Variants in BACH2 observed in about 807,000 individuals in gnomAD.
The protein encoded by BACH2 is transcription regulator protein BACH2.
In BACH2, 5 loss-of-function variants were observed where a neutral mutation model predicts 61.8. The observed-to-expected ratio is 0.08, with a 90% CI of 0.04 to 0.17. The LOEUF is 0.17. Among genes scored for constraint, BACH2 ranks in the 10% least tolerant of loss-of-function variants. The pLI is 1.00. For synonymous variants in BACH2, 446 were observed against 440.1 expected (o/e 1.01, Z -0.17); for missense variants, 824 against 1,091.1 (o/e 0.76, Z 3.45).
intron 1 of BACH2, among the ~76,000 whole-genome samples, chr6:90,295,476 T>G (rs1281273165): frequency 6.6e-6 from 1 of 151,754 alleles, no homozygotes; most frequent in Admixed American, 6.5e-5. Flanking sequence ...GCACCTAGGG[T>G]AGCCCGTGAG....
intron 4 of BACH2, among the ~76,000 whole-genome samples, chr6:90,113,637 A>G (rs1783274028): frequency 6.6e-6 from 1 of 152,078 alleles, no homozygotes; most frequent in Non-Finnish European, 1.5e-5. Flanking sequence ...AAAAAGTTAG[A>G]AAGAACAACC....
At chr6:90,067,389 G>T (rs527237777) in intron 5 of BACH2, among the ~76,000 whole-genome samples, 1 of 152,154 alleles carries the variant, frequency 6.6e-6, no homozygotes, top group African/African-American at 2.4e-5. Flanking sequence ...GGGATGTTAC[G>T]CAGTAAGTAG....
intron 3 of BACH2, among the ~76,000 whole-genome samples, chr6:90,233,616 A>G (rs1757475181): frequency 6.6e-6 from 1 of 152,228 alleles, no homozygotes; most frequent in Non-Finnish European, 1.5e-5. Context: ...TGTGAGGATT[A>G]CATTAATGCT....
chr6:90,112,258 C>A (rs1243655497), intron 4 of BACH2, among the ~76,000 whole-genome samples: 1 of 151,978 alleles, frequency 6.6e-6, no homozygotes, highest in African/African-American at 2.4e-5. Flanking sequence ...GTGGCTCCTG[C>A]AAGATTGTAC....
At chr6:89,942,842 C>T (rs928773087) in intron 7 of BACH2, among the ~76,000 whole-genome samples, 8 of 152,174 alleles carry the variant, frequency 5.3e-5, no homozygotes, top group African/African-American at 1.9e-4. Flanking sequence ...TTATTCAGCC[C>T]AGCAAAGTGT....
chr6:90,128,978 C>T (rs1201771088), intron 4 of BACH2, among the ~76,000 whole-genome samples: 1 of 152,010 alleles, frequency 6.6e-6, no homozygotes, highest in Non-Finnish European at 1.5e-5. Context: ...AACCAAACAC[C>T]GCATGTTCTC....
At chr6:89,940,826 T>C (rs183861860) in intron 7 of BACH2, among the ~76,000 whole-genome samples, 71 of 151,092 alleles carry the variant, frequency 4.7e-4, no homozygotes, top group African/African-American at 1.7e-3. Flanking sequence ...ATATAGCTAA[T>C]ATAATTATTA....
chr6:89,985,132 G>A (rs1776168085), intron 6 of BACH2, among the ~76,000 whole-genome samples: 1 of 152,178 alleles, frequency 6.6e-6, no homozygotes, highest in Non-Finnish European at 1.5e-5. Context: ...GCAAAGTGTT[G>A]GAGACACGAA....
intron 4 of BACH2, among the ~76,000 whole-genome samples, chr6:90,145,570 G>A (rs1177407616): frequency 6.6e-6 from 1 of 152,202 alleles, no homozygotes; most frequent in African/African-American, 2.4e-5. Context: ...CCAGAATGAT[G>A]GAAAAATGCT....
chr6:90,020,122 G>GT (rs1447444906), intron 5 of BACH2, among the ~76,000 whole-genome samples: 3 of 152,176 alleles, frequency 2.0e-5, no homozygotes, highest in African/African-American at 7.2e-5. Flanking sequence ...TGCCATGTCA[G>GT]TATTACTTTC....
rs1348285908 is a variant in BACH2 at position 90,088,997 on chromosome 6, TTAGGA to T, written c.-54_-50del. On this transcript the variant is annotated 5_prime_UTR_variant, in exon 5 of 9. It removes the in-frame stop codon of an upstream open reading frame in the 5' UTR. Transcript: ENST00000257749. ...CCAGGTCCTGTGCTGCCTTCGAGTC[TTAGGA>T]TGCAGGGAACTGGGCGAAGGGAGAG... The T allele has an allele frequency of 6.6e-6, 1 of 152,322 alleles. No homozygotes were observed. The highest frequency in any genetic ancestry group is 1.5e-5 in the Non-Finnish European group (1 of 68,032). The allele number at this position is 152,322 out of a possible 1,614,324, so 9.4% of individuals were successfully genotyped here.
At chr6:89,944,659 G>C (rs1403824988) in intron 7 of BACH2, among the ~76,000 whole-genome samples, 2 of 151,800 alleles carry the variant, frequency 1.3e-5, no homozygotes, top group Non-Finnish European at 2.9e-5. Context: ...TGTTTTCTCT[G>C]GACTTTATCT....
intron 6 of BACH2, among the ~76,000 whole-genome samples, chr6:89,983,540 G>T (rs1264791206): frequency 6.6e-6 from 1 of 152,072 alleles, no homozygotes; most frequent in Non-Finnish European, 1.5e-5. Flanking sequence ...GTGGTGGCAG[G>T]CATCTGTAGT....
At chr6:90,212,418 C>T (rs760825227) in intron 3 of BACH2, among the ~76,000 whole-genome samples, 2 of 152,162 alleles carry the variant, frequency 1.3e-5, no homozygotes, top group Admixed American at 1.3e-4. Flanking sequence ...CTGCAGGTCC[C>T]TCTCCATCCT....
chr6:90,148,965 G>A (rs554990614), intron 4 of BACH2, among the ~76,000 whole-genome samples: 2 of 152,268 alleles, frequency 1.3e-5, no homozygotes, highest in African/African-American at 4.8e-5. Context: ...TTTGAGAGAC[G>A]AAGAACCAAA....
At chr6:89,997,903 T>C (rs142668717) in intron 6 of BACH2, among the ~76,000 whole-genome samples, 5 of 152,306 alleles carry the variant, frequency 3.3e-5, no homozygotes, top group African/African-American at 7.2e-5. Flanking sequence ...ATGTCATCTA[T>C]GTAACACTTT....
At chr6:90,035,197 A>G (rs1033822167) in intron 5 of BACH2, among the ~76,000 whole-genome samples, 30 of 152,106 alleles carry the variant, frequency 2.0e-4, no homozygotes, top group African/African-American at 6.5e-4. Context: ...GGTTGTTAAC[A>G]TATTATGACA....
chr6:90,247,246 C>CTT (rs1269813491), intron 3 of BACH2, among the ~76,000 whole-genome samples: 2 of 141,142 alleles, frequency 1.4e-5, no homozygotes, highest in Non-Finnish European at 3.1e-5. Context: ...TCTTCTTCTT[C>CTT]TTTTTTTTTT....
intron 4 of BACH2, among the ~76,000 whole-genome samples, chr6:90,161,916 A>G (rs772059546): frequency 3.9e-5 from 6 of 152,042 alleles, no homozygotes; most frequent in Admixed American, 3.3e-4. Context: ...AAGAAGCGGA[A>G]CCTCTGGCCG....
Sources: allele counts gnomAD v4.1 joint callset (sites outside exome capture counted in the v4.1 genomes callset), GRCh38; gene constraint gnomAD v4.1.1; transcripts MANE v1.5; gene names NCBI Gene and HGNC (gene_info 2026-07-23, HGNC 2026-07-21).